The following SLC30A7 variants were observed in gnomAD, a reference collection of about 807,000 sequenced individuals.
The protein encoded by SLC30A7 is zinc transporter 7.
Under a neutral mutation model 46.0 loss-of-function variants are expected in SLC30A7, and 35 were observed. That is an observed-to-expected ratio of 0.76 (90% CI 0.58 to 1.01). SLC30A7 has a LOEUF of 1.01. SLC30A7 is among the 50% of genes least tolerant of loss of function. The pLI, the probability that SLC30A7 is intolerant of heterozygous loss-of-function variation, is 0.00. For synonymous variants in SLC30A7, 147 were observed against 157.8 expected (o/e 0.93, Z 0.51); for missense variants, 464 against 451.1 (o/e 1.03, Z -0.26).
intron 8 of SLC30A7, among the ~76,000 whole-genome samples, chr1:100,947,285 T>A (rs1281493943): frequency 1.3e-5 from 2 of 152,206 alleles, no homozygotes; most frequent in African/African-American, 4.8e-5. Flanking sequence ...TCTAAGAACA[T>A]CTTTATTTCT....
chr1:100,927,418 G>A (rs1407136269), intron 8 of SLC30A7, among the ~76,000 whole-genome samples: 1 of 152,028 alleles, frequency 6.6e-6, no homozygotes, highest in Non-Finnish European at 1.5e-5. Context: ...AATGCTGCTG[G>A]GACTAAGAAG....
At chr1:100,970,104 G>A (rs907176652) in intron 10 of SLC30A7, among the ~76,000 whole-genome samples, 3 of 152,068 alleles carry the variant, frequency 2.0e-5, no homozygotes, top group African/African-American at 4.8e-5. Context: ...TGCTTCAGGT[G>A]TATTTCTTAC....
intron 2 of SLC30A7, among the ~76,000 whole-genome samples, chr1:100,897,939 G>A (rs1651072774): frequency 6.6e-6 from 1 of 152,120 alleles, no homozygotes; most frequent in Non-Finnish European, 1.5e-5. Context: ...TTAATATACT[G>A]TAGATGTTGA....
chr1:100,933,161 A>G (rs1653764763), intron 8 of SLC30A7, among the ~76,000 whole-genome samples: 1 of 151,252 alleles, frequency 6.6e-6, no homozygotes, highest in Non-Finnish European at 1.5e-5. Context: ...TTTTTAGTAG[A>G]GATGGGGTTT....
Position 100,896,328 on chromosome 1 carries a change from C to A in SLC30A7, c.66C>A (p.Ile22=). 6.2e-7 allele frequency: 1 copy of A among 1,614,172 alleles called. No homozygotes were observed. The highest frequency in any genetic ancestry group is 1.3e-5 in the African/African-American group (1 of 75,038). ...CCAAGTTCAATTTGTTCGGCAAGAT[C>A]TCGGGCTGGTTTAGGTGCGGGGTGC... ...KPPKFNLFGK[I]SGWFRSILSD... The change falls in exon 1 of 11, where the codon ATC becomes ATA. Residue 22 remains isoleucine (I), a synonymous_variant. Coordinates refer to ENST00000357650, the MANE Select transcript of SLC30A7 (RefSeq NM_133496.5).
intron 9 of SLC30A7, among the ~76,000 whole-genome samples, chr1:100,964,476 C>G (rs1020271807): frequency 1.3e-5 from 2 of 151,434 alleles, no homozygotes; most frequent in African/African-American, 4.9e-5. Flanking sequence ...TCTTCCTTTC[C>G]CTAGGTAAAA....
rs116121407 is a variant in SLC30A7, at chr1:100,931,620, A to G, written c.842+9779A>G. On this transcript the variant is annotated intron_variant, in intron 8 of 10. Transcript: ENST00000357650. ...GTACTGTGCTCTTATTAAAATATTC[A>G]CTGTAAAACCTAACTGCTTTTTGCA... 9.4e-3 allele frequency among the ~76,000 whole-genome samples: 1,427 copies of G among 152,232 alleles called. 20 individuals carry two copies. The highest frequency in any genetic ancestry group is 0.033 in the African/African-American group (1,365 of 41,526).
chr1:100,971,435 G>A (rs1464972794), intron 10 of SLC30A7, among the ~76,000 whole-genome samples: 1 of 151,898 alleles, frequency 6.6e-6, no homozygotes, highest in Non-Finnish European at 1.5e-5. Context: ...TTTGAAGTCC[G>A]CCAGAATCTG....
Position 100,975,068 on chromosome 1 carries a change from T to C in SLC30A7, c.*211T>C, listed in dbSNP as rs936965345. On this transcript the variant is annotated 3_prime_UTR_variant, in exon 11 of 11. Transcript: ENST00000357650. ...AGGATATCTCCTGGACTTTTGGTCT[T>C]TTCTTTTGTGCTCTTTCCTCCAAAT... 6 of 392,358 alleles carry C rather than the reference T, an allele frequency of 1.5e-5. No homozygotes were observed. The highest frequency in any genetic ancestry group is 2.7e-5 in the Non-Finnish European group (6 of 221,454). The allele number at this position is 392,358 out of a possible 1,614,324, so 24.3% of individuals were successfully genotyped here.
chr1:100,923,474 T>G (rs1653087638), intron 8 of SLC30A7, among the ~76,000 whole-genome samples: 1 of 152,214 alleles, frequency 6.6e-6, no homozygotes, highest in Non-Finnish European at 1.5e-5. Flanking sequence ...GAAATAACTC[T>G]GCTATATAAA....
In SLC30A7 at chr1:100,967,478, G is replaced by T. The variant is rs969521885; in HGVS notation, c.1083+1560G>T. 6.4e-4 allele frequency among the ~76,000 whole-genome samples: 98 copies of T among 152,250 alleles called. 1 individual carries two copies. The highest frequency in any genetic ancestry group is 2.3e-3 in the African/African-American group (94 of 41,542). Reference sequence around the variant, plus strand: ...GACCATGGACCAGTACTGGCCCGTGGCCCAGGGGTTAGGGACCCCTGATCT... The same window carrying T: ...GACCATGGACCAGTACTGGCCCGTGTCCCAGGGGTTAGGGACCCCTGATCT... On this transcript the variant is annotated intron_variant, in intron 10 of 10. Coordinates refer to ENST00000357650, the MANE Select transcript of SLC30A7 (RefSeq NM_133496.5).
intron 8 of SLC30A7, among the ~76,000 whole-genome samples, chr1:100,930,631 A>T (rs1442520390): frequency 1.3e-5 from 2 of 151,090 alleles, no homozygotes. Flanking sequence ...AATTCTGGAG[A>T]TTTTACTTTT....
chr1:100,971,037 G>T (rs1211484107), intron 10 of SLC30A7, among the ~76,000 whole-genome samples: 1 of 152,034 alleles, frequency 6.6e-6, no homozygotes, highest in Admixed American at 6.6e-5. Context: ...ACTTGTGCCT[G>T]ATAAGTCCTA....
chr1:100,900,545 G>T (rs1651246298), intron 2 of SLC30A7, among the ~76,000 whole-genome samples: 4 of 152,090 alleles, frequency 2.6e-5, no homozygotes, highest in Non-Finnish European at 1.5e-5. Context: ...AGCTTATGGT[G>T]ATGGCTTTTG....
chr1:100,946,372 A>T (rs767377410), intron 8 of SLC30A7, among the ~76,000 whole-genome samples: 1 of 152,224 alleles, frequency 6.6e-6, no homozygotes, highest in African/African-American at 2.4e-5. Flanking sequence ...GCCGGTTTTC[A>T]AAGGAAATGC....
At chr1:100,918,596 A>C (rs1272803525) in intron 7 of SLC30A7, among the ~76,000 whole-genome samples, 4 of 152,324 alleles carry the variant, frequency 2.6e-5, no homozygotes, top group Admixed American at 2.6e-4. Context: ...AAGATACTGT[A>C]GGTTGAAAAT....
intron 8 of SLC30A7, among the ~76,000 whole-genome samples, chr1:100,938,600 A>G (rs1570556741): frequency 6.6e-6 from 1 of 152,214 alleles, no homozygotes; most frequent in Admixed American, 6.5e-5. Flanking sequence ...TCCTCTGTTC[A>G]GGGTCTCACA....
At chr1:100,986,672 GC>G (rs1306727423), downstream of SLC30A7, among the ~76,000 whole-genome samples, 4 of 152,086 alleles carry the variant, frequency 2.6e-5, no homozygotes, top group Non-Finnish European at 4.4e-5. Context: ...ATACACAATC[GC>G]TAAAAAGTGG....
intron 5 of SLC30A7, among the ~76,000 whole-genome samples, chr1:100,912,576 CACTCTGGG>C (rs774091650): frequency 6.6e-6 from 1 of 152,070 alleles, no homozygotes; most frequent in Admixed American, 6.6e-5. Flanking sequence ...ATAATTCCAG[CACTCTGGG>C]AGGCCAAGGC....
Sources: gnomAD v4.1 joint callset for allele counts (sites outside exome capture counted in the v4.1 genomes callset) on GRCh38, gnomAD v4.1.1 for gene constraint, MANE v1.5 for transcripts, NCBI Gene and HGNC (gene_info 2026-07-23, HGNC 2026-07-21) for gene names.